The following GRIP1 variants were observed in gnomAD, a reference collection of about 807,000 sequenced individuals.
The protein encoded by GRIP1 is glutamate receptor interacting protein 1, also known as glutamate receptor-interacting protein 1.
Under a neutral mutation model 129.9 loss-of-function variants are expected in GRIP1, and 45 were observed. That is an observed-to-expected ratio of 0.35 (90% confidence interval 0.27 to 0.44). GRIP1 has a LOEUF of 0.44. GRIP1 is among the 20% of genes least tolerant of loss of function. GRIP1 has a pLI of 1.00. For missense variants in GRIP1, 1,196 were observed against 1,396.8 expected (o/e 0.86, Z 2.29); for synonymous variants, 530 against 520.8 (o/e 1.02, Z -0.24).
intron 10 of GRIP1, among the ~76,000 whole-genome samples, 164 bp downstream of exon 10, chr12:66,456,023 C>A (rs182356076): frequency 6.6e-5 from 10 of 152,052 alleles, no homozygotes; most frequent in Non-Finnish European, 1.2e-4. Flanking sequence ...ACAACAAATG[C>A]TTTCTGATGG....
intron 1 of GRIP1, among the ~76,000 whole-genome samples, chr12:66,725,128 C>T (rs1180126406): frequency 6.6e-6 from 1 of 151,978 alleles, no homozygotes; most frequent in South Asian, 2.1e-4. Flanking sequence ...CCCAGCTTTA[C>T]AACAAATTAA....
intron 1 of GRIP1, among the ~76,000 whole-genome samples, chr12:66,980,357 A>C (rs1156440322): frequency 6.6e-6 from 1 of 152,182 alleles, no homozygotes; most frequent in Non-Finnish European, 1.5e-5. Flanking sequence ...TCACACCTGT[A>C]ATCCCAGCAC....
intron 2 of GRIP1, among the ~76,000 whole-genome samples, chr12:66,584,018 A>T (rs1422999606): frequency 6.9e-6 from 1 of 145,598 alleles, no homozygotes; most frequent in East Asian, 2.0e-4. Flanking sequence ...CAAATGTCCA[A>T]CAATGATAGA....
At chr12:66,696,514 T>C (rs889324690) in intron 1 of GRIP1, among the ~76,000 whole-genome samples, 4 of 151,844 alleles carry the variant, frequency 2.6e-5, no homozygotes, top group Non-Finnish European at 5.9e-5. Context: ...AGGCCAGGCG[T>C]GGTGGCTCTC....
chr12:66,842,254 T>C (rs2039732548), intron 1 of GRIP1, among the ~76,000 whole-genome samples: 1 of 152,136 alleles, frequency 6.6e-6, no homozygotes, highest in South Asian at 2.1e-4. Flanking sequence ...ATAATCAAGA[T>C]CTTATTGTTA....
chr12:66,870,669 G>A (rs2040280743), intron 1 of GRIP1, among the ~76,000 whole-genome samples: 1 of 152,120 alleles, frequency 6.6e-6, no homozygotes, highest in South Asian at 2.1e-4. Context: ...AGATGAAAAG[G>A]AGGTAGAGAC....
intron 1 of GRIP1, among the ~76,000 whole-genome samples, chr12:66,729,693 C>T (rs1165061423): frequency 6.6e-6 from 1 of 152,114 alleles, no homozygotes; most frequent in Non-Finnish European, 1.5e-5. Context: ...CCTGCCTCAG[C>T]CTCCCCAGTA....
intron 1 of GRIP1, among the ~76,000 whole-genome samples, chr12:66,666,268 G>T (rs1170643722): frequency 6.6e-6 from 1 of 152,010 alleles, no homozygotes; most frequent in Non-Finnish European, 1.5e-5. Context: ...CCTAAAGCAG[G>T]AGATGCATTC....
intron 1 of GRIP1, among the ~76,000 whole-genome samples, chr12:66,777,646 G>A (rs1476754554): frequency 6.6e-6 from 1 of 152,128 alleles, no homozygotes; most frequent in African/African-American, 2.4e-5. Flanking sequence ...GTGGCACATA[G>A]TAGGTTGTCA....
chr12:66,359,537 G>C (rs2054646728), intron 23 of GRIP1, among the ~76,000 whole-genome samples: 1 of 152,170 alleles, frequency 6.6e-6, no homozygotes, highest in African/African-American at 2.4e-5. Flanking sequence ...TAACTTCAAG[G>C]TCACAGTTAT....
At chr12:66,927,812 A>T (rs933230229) in intron 1 of GRIP1, among the ~76,000 whole-genome samples, 1 of 152,170 alleles carries the variant, frequency 6.6e-6, no homozygotes, top group Non-Finnish European at 1.5e-5. Flanking sequence ...ACCCAATGCT[A>T]AGTCCAGATA....
intron 1 of GRIP1, among the ~76,000 whole-genome samples, chr12:66,935,874 T>G (rs1401174858): frequency 6.6e-6 from 1 of 152,220 alleles, no homozygotes; most frequent in Non-Finnish European, 1.5e-5. Context: ...CAGTTATTGT[T>G]AAAGGTGCAT....
chr12:66,503,420 G>T (rs1448294282), intron 7 of GRIP1, among the ~76,000 whole-genome samples: 2 of 152,132 alleles, frequency 1.3e-5, no homozygotes, highest in Non-Finnish European at 2.9e-5. Context: ...AGAGGTGCAA[G>T]ATGCTGAAGG....
At chr12:66,530,085 AC>A (rs1329742867) in intron 4 of GRIP1, among the ~76,000 whole-genome samples, 171 bp from the exon 5 acceptor site, 1 of 152,210 alleles carries the variant, frequency 6.6e-6, no homozygotes, top group East Asian at 1.9e-4. Context: ...ACATAAAAAT[AC>A]CATAAAACAG....
intron 13 of GRIP1, among the ~76,000 whole-genome samples, chr12:66,442,759 C>T (rs1288861214): frequency 4.6e-5 from 7 of 152,048 alleles, no homozygotes; most frequent in African/African-American, 1.7e-4. Flanking sequence ...TGGTTTTGAA[C>T]TTCTGGGCTC....
chr12:66,531,316 CATACAT>C (rs1383463544), intron 4 of GRIP1, among the ~76,000 whole-genome samples: 1 of 73,300 alleles, frequency 1.4e-5, no homozygotes, highest in Non-Finnish European at 2.5e-5. Context: ...CACACACACA[CATACAT>C]ATACATATAT....
intron 1 of GRIP1, among the ~76,000 whole-genome samples, chr12:66,772,885 G>A (rs990841596): frequency 3.9e-5 from 6 of 152,108 alleles, no homozygotes; most frequent in Non-Finnish European, 8.8e-5. Flanking sequence ...AGCACAAGCT[G>A]GTAGCCATGC....
At position 66,930,105 on chromosome 12, in the gene GRIP1, C is replaced by CT. The variant is rs201467691; in HGVS notation, c.58+138944dup. ...CATACTTTCTTTTGGCCTTTATACT[C>CT]TTTTTTTTTTATTATTACACTTTAA... On this transcript the variant is annotated intron_variant, in intron 1 of 1. Transcript: ENST00000643019. Among the ~76,000 whole-genome samples the CT allele has an allele frequency of 2.0e-3, 264 of 130,782 alleles. 2 individuals are homozygous for CT. Among genetic ancestry groups the CT allele is most frequent in the African/African-American group, 5.8e-3 (206 of 35,600 alleles). The allele number at this position is 130,782 out of a possible 152,430, so 85.8% of individuals were successfully genotyped here.
chr12:66,840,167 GTAAT>G (rs2039689799), intron 1 of GRIP1, among the ~76,000 whole-genome samples: 1 of 152,024 alleles, frequency 6.6e-6, no homozygotes, highest in South Asian at 2.1e-4. Flanking sequence ...CCATCAACAT[GTAAT>G]TAAAGGAAAA....
Sources: gnomAD v4.1 joint callset for allele counts (sites outside exome capture counted in the v4.1 genomes callset) on GRCh38, gnomAD v4.1.1 for gene constraint, MANE v1.5 for transcripts, NCBI Gene and HGNC (gene_info 2026-07-23, HGNC 2026-07-21) for gene names.